The following TRPV6 variants were observed in gnomAD, a reference collection of about 807,000 sequenced individuals.
TRPV6 encodes transient receptor potential cation channel subfamily V member 6, also known as Alu-binding protein with zinc finger domain.
In TRPV6, 39 loss-of-function variants were observed where a neutral mutation model predicts 79.0. The ratio of observed to expected loss-of-function variants is 0.49; its 90% CI spans 0.38 to 0.64. TRPV6 has a LOEUF of 0.64. Among genes scored for constraint, TRPV6 ranks in the 30% least tolerant of loss-of-function variants. The pLI is 0.00. For synonymous variants in TRPV6, 373 were observed against 391.9 expected (o/e 0.95, Z 0.57); for missense variants, 813 against 1,011.1 (o/e 0.80, Z 2.66).
At chr7:142,878,249 C>T (rs1193164795) in intron 1 of TRPV6, 10 of 588,892 alleles carry the variant, frequency 1.7e-5, no homozygotes, top group African/African-American at 1.9e-5. Context: ...TGAGATTGTC[C>T]GTGACTGGTT....
At chr7:142,876,946 TG>T in intron 4 of TRPV6, 109 bp from the exon 5 acceptor site, 1 of 1,496,370 alleles carries the variant, frequency 6.7e-7, no homozygotes, top group Non-Finnish European at 9.1e-7. Flanking sequence ...GCTCAGGGCT[TG>T]AGGACACTTT....
chr7:142,879,169 G>A (rs566214309), intron 1 of TRPV6: 4 of 152,292 alleles, frequency 2.6e-5, no homozygotes, highest in African/African-American at 9.6e-5. Context: ...TTCATTCATC[G>A]AATTTCATGT....
chr7:142,872,878 G>A (rs907944750), intron 13 of TRPV6, among the ~76,000 whole-genome samples: 1 of 152,144 alleles, frequency 6.6e-6, no homozygotes, highest in African/African-American at 2.4e-5. Context: ...ACACAGCATA[G>A]TTAAATGCCT....
intron 10 of TRPV6, 100 bp downstream of exon 10, chr7:142,874,804 G>A: frequency 1.9e-6 from 3 of 1,561,168 alleles, no homozygotes; most frequent in Non-Finnish European, 2.6e-6. Context: ...GCACTAGAGA[G>A]GGGGCTCTGG....
At position 142,871,434 on chromosome 7, in the gene TRPV6, G is replaced by A; in HGVS notation, c.*273C>T. ...TGTTTTTAAAGTGCTCTGACATGCA[G>A]TGCTCCTGTCGGAAGGGTGATGAGC... On this transcript the variant is annotated 3_prime_UTR_variant, in exon 15 of 15. Coordinates refer to ENST00000359396, the MANE Select transcript of TRPV6 (RefSeq NM_018646.6). The A allele has an allele frequency of 2.0e-6, 1 of 496,800 alleles. No homozygotes were observed. 30.8% of individuals were successfully genotyped at this position (496,800 alleles called of 1,614,324 possible).
chr7:142,880,443 C>T (rs1795169483), intron 1 of TRPV6: 1 of 152,232 alleles, frequency 6.6e-6, no homozygotes. Flanking sequence ...GCCACTAACT[C>T]TTCCCTGCCC....
intron 1 of TRPV6, chr7:142,885,132 G>GTACTCAC (rs978834069): frequency 9.5e-6 from 3 of 317,324 alleles, no homozygotes; most frequent in African/African-American, 2.1e-5. Flanking sequence ...CCTTAGAGAA[G>GTACTCAC]TACTCACAAG....
chr7:142,872,959 TA>T (rs1386321942), intron 13 of TRPV6, among the ~76,000 whole-genome samples: 1 of 152,252 alleles, frequency 6.6e-6, no homozygotes. Flanking sequence ...AGGTGTTTTT[TA>T]AATGAGGATT....
Position 142,876,788 on chromosome 7 carries a change from C to T in TRPV6, c.657G>A (p.Val219=). 5.6e-6 allele frequency: 9 copies of T among 1,614,112 alleles called. No individual in the cohort carries two copies. Among genetic ancestry groups the T allele is most frequent in the Non-Finnish European group, 7.6e-6 (9 of 1,180,022 alleles). Residue 219 remains valine, a synonymous_variant, in exon 5 of 15, where the codon GTG becomes GTA. Transcript: ENST00000359396. ...CAGCTCCATGCTCAATGAGCAGCCG[C>T]ACGATCTCCTCACTGTTCACACAGG...
rs1398811168 is a variant in TRPV6, at chr7:142,877,342, A to G, written c.470-63T>C. The G allele has an allele frequency of 3.8e-6, 6 of 1,594,644 alleles. No homozygotes were observed. The African/African-American group carries it at 6.7e-5, about 18-fold the overall frequency. On this transcript the variant is annotated intron_variant, in intron 3 of 14. Transcript: ENST00000359396. ...CAGGATCCTGCAGGGGGTCCCTCCC[A>G]TATGCACCCCAGTCTCTTTCCCTCA...
In TRPV6 at chr7:142,873,840, A is replaced by C. The variant is rs1794996140; in HGVS notation, c.1640-124T>G. 2 of 1,413,190 alleles carry C rather than the reference A, an allele frequency of 1.4e-6. No individual in the cohort carries two copies. The highest frequency in any genetic ancestry group is 4.0e-5 in the Admixed American group (2 of 50,410). 87.5% of individuals were successfully genotyped at this position (1,413,190 alleles called of 1,614,324 possible). A position where few individuals can be genotyped will look rare whatever the true frequency, so the allele number is the denominator to read the frequency against. On this transcript the variant is annotated intron_variant, in intron 12 of 14. Transcript: ENST00000359396. This position sits in a 1 kb window ranked among gnomAD's most constrained non-coding sequence, Gnocchi z 4.8. ...AATATCACCAGCTCTGCAGTGCTCC[A>C]AACTTTGGGTTTTTACGGTCCCTAG...
chr7:142,885,382 G>C lies in TRPV6; in HGVS notation c.248+7C>G, dbSNP rs762375596. 12 of 1,610,256 alleles carry C rather than the reference G, an allele frequency of 7.5e-6. No individual in the cohort carries two copies. In the South Asian group the frequency reaches 1.3e-4, roughly 18 times the overall value. ...GTGGGGAAGGGAGCAGACCAAGGGG[G>C]CCTTACCTCTTCTGCTGCAGCAGGT... On this transcript the variant is annotated splice_region_variant and intron_variant, in intron 1 of 14. Transcript: ENST00000359396.
chr7:142,872,630 G>T, intron 13 of TRPV6, 152 bp from the exon 14 acceptor site: 1 of 777,524 alleles, frequency 1.3e-6, no homozygotes, highest in Non-Finnish European at 2.1e-6. Flanking sequence ...CATCCATGAC[G>T]CAGCCAGGCC....
At chr7:142,876,704 A>C (rs1489027961) in intron 5 of TRPV6, 35 bp downstream of exon 5, 1 of 1,613,584 alleles carries the variant, frequency 6.2e-7, no homozygotes, top group Non-Finnish European at 8.5e-7. Context: ...CACTCCCTGC[A>C]GCATCCCAGC....
intron 1 of TRPV6, chr7:142,883,508 C>A (rs899595519): frequency 6.6e-6 from 1 of 152,216 alleles, no homozygotes; most frequent in Non-Finnish European, 1.5e-5. Context: ...AGGGGGATAA[C>A]AGGACCCACC....
Position 142,871,499 on chromosome 7 carries a change from C to T in TRPV6, c.*208G>A. 1 of 613,958 alleles carries T rather than the reference C, an allele frequency of 1.6e-6. No individual in the cohort carries two copies. Among genetic ancestry groups the T allele is most frequent in the Middle Eastern group, 4.3e-4 (1 of 2,316 alleles). The allele number at this position is 613,958 out of a possible 1,614,324, so 38.0% of individuals were successfully genotyped here. On this transcript the variant is annotated 3_prime_UTR_variant, in exon 15 of 15. Transcript: ENST00000359396. ...TTCCTCACGCCCTGCCAGCCCCGTG[C>T]TTGGGCTGGGCTTCCTCTGCCCCAG...
Position 142,877,791 on chromosome 7 carries a change from G to A in TRPV6, c.347-18C>T, listed in dbSNP as rs1248550974. ...CATGGCTCCTGGCATTTACAGAGAG[G>A]TGGGTTATATGGCTTCTGTGGGACA... On this transcript the variant is annotated intron_variant, in intron 2 of 14. Transcript: ENST00000359396. 16 of 1,614,014 alleles carry A rather than the reference G, an allele frequency of 9.9e-6. No individual in the cohort carries two copies. Among genetic ancestry groups the A allele is most frequent in the Non-Finnish European group, 1.3e-5 (15 of 1,180,004 alleles).
Position 142,873,511 on chromosome 7 carries a change from A to G in TRPV6, c.1845T>C (p.Ile615=). 1 of 1,614,116 alleles carries G rather than the reference A, an allele frequency of 6.2e-7. No homozygotes were observed. Among genetic ancestry groups the G allele is most frequent in the African/African-American group, 1.3e-5 (1 of 75,022 alleles). ...GCCAGTGAGTGTCGCCCATCATGGCAATGAGGAGGTTGAGCATGAGCAGTG... is the reference window on the plus strand; with the variant it reads ...GCCAGTGAGTGTCGCCCATCATGGCGATGAGGAGGTTGAGCATGAGCAGTG... Residue 615 remains isoleucine (I), a synonymous_variant, in exon 13 of 15, where the codon ATT becomes ATC. Transcript: ENST00000359396. The surrounding 1 kb of genome is among the most constrained non-coding windows in gnomAD (Gnocchi z 4.8).
chr7:142,884,642 A>G (rs965381693), intron 1 of TRPV6: 3 of 152,260 alleles, frequency 2.0e-5, no homozygotes, highest in African/African-American at 4.8e-5. Context: ...GGAAGCCACC[A>G]GTGAATGTCC....
Sources: allele counts gnomAD v4.1 joint callset (sites outside exome capture counted in the v4.1 genomes callset), GRCh38; gene constraint gnomAD v4.1.1; non-coding constraint Gnocchi (gnomAD v3.1); transcripts MANE v1.5; gene names NCBI Gene and HGNC (gene_info 2026-07-23, HGNC 2026-07-21).